Variants in PRDM9 observed in about 807,000 individuals in gnomAD.
PRDM9 encodes the protein histone-lysine N-methyltransferase PRDM9.
In PRDM9, 47 loss-of-function variants were observed where a neutral mutation model predicts 55.6. The ratio of observed to expected loss-of-function variants is 0.85; its 90% confidence interval spans 0.67 to 1.08. PRDM9 has a LOEUF of 1.08. PRDM9 is among the 50% of genes least tolerant of loss of function. PRDM9 has a pLI of 0.00. For synonymous variants in PRDM9, 312 were observed against 375.7 expected (o/e 0.83, Z 1.96); for missense variants, 867 against 1,040.3 (o/e 0.83, Z 2.29).
intron 4 of PRDM9, among the ~76,000 whole-genome samples, chr5:23,517,170 A>G (rs1006061541): frequency 1.5e-4 from 23 of 149,186 alleles, no homozygotes; most frequent in African/African-American, 5.7e-4. Flanking sequence ...AAAAAAAAAA[A>G]AGGTTGGGGG....
Position 23,522,772 on chromosome 5 carries a change from G to C in PRDM9, c.769G>C (p.Gly257Arg), listed in dbSNP as rs770993453. 2 of 1,614,218 alleles carry C rather than the reference G, an allele frequency of 1.2e-6. No homozygotes were observed. Among genetic ancestry groups the C allele is most frequent in the Non-Finnish European group, 1.7e-6 (2 of 1,180,048 alleles). Reference protein sequence around the residue: ...RIGPSGIPQAGLGVWNEASDL... With the variant: ...RIGPSGIPQARLGVWNEASDL... ...TGGGCCATCAGGCATCCCTCAGGCTGGGCTTGGAGTATGGAATGAGGCATC... is the reference window on the plus strand; with the variant it reads ...TGGGCCATCAGGCATCCCTCAGGCTCGGCTTGGAGTATGGAATGAGGCATC... Residue 257 changes from glycine to arginine, a missense_variant, in exon 8 of 11, where the codon GGG (glycine) becomes CGG (arginine). By Grantham distance (125) the Gly-to-Arg change is moderately radical (BLOSUM62 -2). Coordinates refer to ENST00000296682, the MANE Select transcript of PRDM9 (RefSeq NM_020227.4).
rs1317193880 is a variant in PRDM9 at position 23,526,632 on chromosome 5, G to A, written c.1544G>A (p.Gly515Glu). 7 of 1,614,112 alleles carry A rather than the reference G, an allele frequency of 4.3e-6. No homozygotes were observed. In the African/African-American group the frequency reaches 6.7e-5, roughly 15 times the overall value. ...GGGAACACAGGCAAATTATTTGTGG[G>A]GGTAGGAATCTCAAGAATTGCAAAA... ...NPGNTGKLFV[G>E]VGISRIAKVK... Residue 515 changes from glycine to glutamate, a missense_variant, in exon 11 of 11, where the codon GGG (glycine) becomes GAG (glutamate). By Grantham distance (98) the Gly-to-Glu change is moderately conservative (BLOSUM62 -2). Around this residue, in one of 5 missense-constraint regions of PRDM9, gnomAD observed 662 missense variants for 711.9 expected, o/e 0.93. Transcript: ENST00000296682.
rs968368742 is a variant in PRDM9 at position 23,517,905 on chromosome 5, G to C, written c.326G>C (p.Arg109Thr). 1 of 1,603,814 alleles carries C rather than the reference G, an allele frequency of 6.2e-7. No individual in the cohort carries two copies. Among genetic ancestry groups the C allele is most frequent in the Non-Finnish European group, 8.5e-7 (1 of 1,170,622 alleles). ...GTCAAACCTCCTTGGATGGCCTTAAGAGTGGAACAGCGTAAACACCAGAAG... is the reference window on the plus strand; with the variant it reads ...GTCAAACCTCCTTGGATGGCCTTAACAGTGGAACAGCGTAAACACCAGAAG... ...QQVKPPWMAL[R>T]VEQRKHQKGM... Residue 109 changes from arginine to threonine, a missense_variant, in exon 5 of 11, where the codon AGA (arginine) becomes ACA (threonine). Physicochemically the swap from Arg to Thr is moderately conservative, Grantham distance 71 (BLOSUM62 -1). This residue lies in a region of PRDM9 where 662 missense variants were observed against 711.9 expected (regional missense o/e 0.93). Coordinates refer to ENST00000296682, the MANE Select transcript of PRDM9 (RefSeq NM_020227.4).
Position 23,527,721 on chromosome 5 carries a change from A to T in PRDM9, c.2633A>T (p.His878Leu), listed in dbSNP as rs568865590. The T allele has an allele frequency of 1.2e-6, 2 of 1,613,344 alleles. No homozygotes were observed. The highest frequency in any genetic ancestry group is 4.5e-5 in the East Asian group (2 of 44,792). Reference protein sequence around the residue: ...GFSDRSSLCYHQRTHTGEKPY... With the variant: ...GFSDRSSLCYLQRTHTGEKPY... ...AGCGATAGGTCAAGCCTCTGCTATC[A>T]CCAGAGGACACACACAGGGGAGAAG... Residue 878 changes from histidine (H) to leucine (L), a missense_variant, in exon 11 of 11, where the codon CAC (histidine) becomes CTC (leucine). Transcript: ENST00000296682.
intron 2 of PRDM9, 141 bp from the exon 3 acceptor site, chr5:23,509,329 A>C: frequency 6.8e-7 from 1 of 1,479,846 alleles, no homozygotes; most frequent in East Asian, 2.3e-5. Context: ...AATGGGACAC[A>C]GTCTGGAGAA....
At chr5:23,510,280 C>T (rs1189840395) in intron 4 of PRDM9, among the ~76,000 whole-genome samples, 1 of 151,750 alleles carries the variant, frequency 6.6e-6, no homozygotes, top group African/African-American at 2.4e-5. Flanking sequence ...AAGCTGGTCT[C>T]GAACTCCCGA....
Position 23,521,022 on chromosome 5 carries a change from G to A in PRDM9, c.352-1G>A, listed in dbSNP as rs1444032751. ...TTTAATATGTGACTCTCACATTAAA[G>A]GGAATGCCCAAGGCGTCATTCAGTA... On this transcript the variant is annotated splice_acceptor_variant, in intron 5 of 10. Coordinates refer to ENST00000296682, the MANE Select transcript of PRDM9 (RefSeq NM_020227.4). LOFTEE classifies it high-confidence loss of function. The A allele has an allele frequency of 1.9e-6, 3 of 1,613,930 alleles. No homozygotes were observed. Among genetic ancestry groups the A allele is most frequent in the Non-Finnish European group, 2.5e-6 (3 of 1,179,906 alleles).
At chr5:23,510,389 G>T (rs1289747962) in intron 4 of PRDM9, among the ~76,000 whole-genome samples, 1 of 151,602 alleles carries the variant, frequency 6.6e-6, no homozygotes, top group African/African-American at 2.4e-5. Flanking sequence ...TTTTGAGACA[G>T]GGTCTCCCTC....
intron 4 of PRDM9, among the ~76,000 whole-genome samples, chr5:23,511,759 C>T (rs1739103771): frequency 6.6e-6 from 1 of 152,120 alleles, no homozygotes; most frequent in Admixed American, 6.5e-5. Context: ...GAACATTTAT[C>T]ATCACAACAA....
intron 4 of PRDM9, among the ~76,000 whole-genome samples, chr5:23,516,004 G>T: frequency 6.6e-6 from 1 of 152,176 alleles, no homozygotes; most frequent in East Asian, 1.9e-4. Flanking sequence ...AGTCCTTAGA[G>T]ATTCTATATG....
intron 9 of PRDM9, among the ~76,000 whole-genome samples, chr5:23,523,590 C>G (rs1739376575): frequency 6.6e-6 from 1 of 151,900 alleles, no homozygotes; most frequent in Non-Finnish European, 1.5e-5. Context: ...ATTGAGGCAC[C>G]AAGATAAACC....
Position 23,522,757 on chromosome 5 carries a change from G to A in PRDM9, c.754G>A (p.Gly252Ser), listed in dbSNP as rs1213075929. ...LPPGLRIGPS[G>S]IPQAGLGVWN... ...CCCAGGGCTGAGAATTGGGCCATCAGGCATCCCTCAGGCTGGGCTTGGAGT... is the reference window on the plus strand; with the variant it reads ...CCCAGGGCTGAGAATTGGGCCATCAAGCATCCCTCAGGCTGGGCTTGGAGT... The change falls in exon 8 of 11, where the codon GGC becomes AGC. Residue 252 changes from glycine to serine, a missense_variant. Coordinates refer to ENST00000296682, the MANE Select transcript of PRDM9 (RefSeq NM_020227.4). The A allele has an allele frequency of 1.2e-6, 2 of 1,614,096 alleles. No individual in the cohort carries two copies. The highest frequency in any genetic ancestry group is 3.3e-5 in the Admixed American group (2 of 60,006).
At chr5:23,517,312 A>AAT (rs1317304311) in intron 4 of PRDM9, among the ~76,000 whole-genome samples, 10 of 152,160 alleles carry the variant, frequency 6.6e-5, no homozygotes, top group African/African-American at 2.4e-4. Flanking sequence ...GGTATACTTT[A>AAT]ATAGACAGGA....
chr5:23,518,938 T>G (rs1739273548), intron 5 of PRDM9, among the ~76,000 whole-genome samples: 1 of 152,212 alleles, frequency 6.6e-6, no homozygotes, highest in Non-Finnish European at 1.5e-5. Context: ...GATTCCAAGT[T>G]TATGAATTAA....
At chr5:23,512,931 C>T (rs1403999474) in intron 4 of PRDM9, among the ~76,000 whole-genome samples, 2 of 152,322 alleles carry the variant, frequency 1.3e-5, no homozygotes, top group African/African-American at 4.8e-5. Context: ...CCAAGATTCA[C>T]CCATGTCATA....
At chr5:23,520,909 G>C (rs1225208120) in intron 5 of PRDM9, 114 bp from the exon 6 acceptor site, 1 of 1,232,410 alleles carries the variant, frequency 8.1e-7, no homozygotes, top group Non-Finnish European at 1.2e-6. Context: ...AGACACTCTA[G>C]GTATTTTCAA....
intron 4 of PRDM9, among the ~76,000 whole-genome samples, chr5:23,514,671 C>G (rs555219064): frequency 6.6e-6 from 1 of 152,028 alleles, no homozygotes; most frequent in Non-Finnish European, 1.5e-5. Flanking sequence ...AACTCCTGGC[C>G]TCAAATTATC....
intron 5 of PRDM9, among the ~76,000 whole-genome samples, chr5:23,519,918 C>T (rs557746403): frequency 1.1e-4 from 17 of 151,440 alleles, no homozygotes; most frequent in Non-Finnish European, 2.5e-4. Context: ...GTGGTGGACA[C>T]CTGTAATCCC....
Position 23,527,036 on chromosome 5 carries a change from G to A in PRDM9, c.1948G>A (p.Val650Ile), listed in dbSNP as rs1561022844. ...TGGGCGGGGCTTTAGCCGGCAGTCA[G>A]TCCTCCTCACTCACCAGAGGAGACA... ...ECGRGFSRQSVLLTHQRRHTG... is the reference protein window; with the variant it reads ...ECGRGFSRQSILLTHQRRHTG... Residue 650 changes from valine (V) to isoleucine (I), a missense_variant, in exon 11 of 11, where the codon GTC becomes ATC. Physicochemically the swap from Val to Ile is conservative, Grantham distance 29. Coordinates refer to ENST00000296682, the MANE Select transcript of PRDM9 (RefSeq NM_020227.4). The A allele has an allele frequency of 3.4e-6, 2 of 583,294 alleles. No individual in the cohort carries two copies. The highest frequency in any genetic ancestry group is 5.8e-5 in the East Asian group (2 of 34,736). 36.1% of individuals were successfully genotyped at this position (583,294 alleles called of 1,614,324 possible).
Sources: allele counts gnomAD v4.1 joint callset (sites outside exome capture counted in the v4.1 genomes callset), GRCh38; gene constraint gnomAD v4.1.1; regional missense constraint gnomAD v4.1.1; transcripts MANE v1.5; gene names NCBI Gene and HGNC (gene_info 2026-07-23, HGNC 2026-07-21).